PREP: variants seen among roughly 807,000 people sequenced by gnomAD.
PREP encodes dJ355L5.1 (prolyl endopeptidase).
In PREP, 29 loss-of-function variants were observed where a neutral mutation model predicts 87.6. The ratio of observed to expected loss-of-function variants is 0.33; its 90% CI spans 0.25 to 0.45. The LOEUF (loss-of-function observed/expected upper bound fraction) is 0.45, where lower values mean the gene tolerates loss of function less well. PREP is among the 20% of genes least tolerant of loss of function. The pLI, the probability that PREP is intolerant of heterozygous loss-of-function variation, is 1.00. For synonymous variants in PREP, 337 were observed against 328.6 expected, an observed-to-expected ratio of 1.03 and a Z score of -0.28; for missense variants, 695 against 886.5, an observed-to-expected ratio of 0.78 and a Z score of 2.74.
rs148443780 is a variant in PREP, at chr6:105,277,536, TAACA to T, written c.*604_*607del. The T allele has an allele frequency of 0.12, 17,582 of 152,638 alleles. 1,750 individuals are homozygous for T. The highest frequency in any genetic ancestry group is 0.28 in the African/African-American group (11,629 of 41,350). The allele number at this position is 152,638 out of a possible 1,614,324, so 9.5% of individuals were successfully genotyped here. On this transcript the variant is annotated 3_prime_UTR_variant, in exon 15 of 15. Transcript: ENST00000652536. ...CCCCCTCTGACAGCTTCATCACCTC[TAACA>T]AACAAACAAACAAGGGAGACAGAGT...
chr6:105,324,662 T>C (rs567040988), intron 9 of PREP, among the ~76,000 whole-genome samples: 2 of 152,218 alleles, frequency 1.3e-5, no homozygotes, highest in East Asian at 3.8e-4. Flanking sequence ...CAGTACTTGC[T>C]GGAAAACCAA....
At position 105,382,448 on chromosome 6, in the gene PREP, G is replaced by A. The variant is rs186154751; in HGVS notation, c.121-4929C>T. The stretch of plus-strand genomic sequence containing the variant: ...CTGTCAATTTGAAAAATTGACTTAC[G>A]AAATACAGATACAGGCTCACTTACT... On this transcript the variant is annotated intron_variant, in intron 2 of 14. Coordinates refer to ENST00000652536, the MANE Select transcript of PREP (RefSeq NM_002726.5). Among the ~76,000 whole-genome samples the A allele has an allele frequency of 6.1e-3, 927 of 152,042 alleles. 5 individuals carry two copies. Among genetic ancestry groups the A allele is most frequent in the Non-Finnish European group, 9.8e-3 (667 of 67,982 alleles).
rs1461014290 is a variant in PREP at position 105,397,872 on chromosome 6, G to A, written c.101C>T (p.Pro34Leu). The change falls in exon 2 of 15, where the codon CCC (proline) becomes CTC (leucine). Residue 34 changes from proline (P) to leucine (L), a missense_variant. Transcript: ENST00000652536. ...AATTACCTTAGTCTGTTCACTGTCG[G>A]GGTCTTCAAGCCAGGCGTAAGGGTC... The part of the protein sequence containing the change: ...ICDPYAWLED[P>L]DSEQTKAFVE... 5.6e-6 allele frequency: 9 copies of A among 1,611,880 alleles called. No homozygotes were observed. Among genetic ancestry groups the A allele is most frequent in the Non-Finnish European group, 7.6e-6 (9 of 1,177,996 alleles).
chr6:105,299,268 T>C (rs1369305234), intron 10 of PREP, among the ~76,000 whole-genome samples: 1 of 152,210 alleles, frequency 6.6e-6, no homozygotes, highest in Non-Finnish European at 1.5e-5. Context: ...TCCTCTCTTA[T>C]TTTACAAATG....
intron 2 of PREP, among the ~76,000 whole-genome samples, chr6:105,380,485 CTA>C (rs1473442169): frequency 6.6e-6 from 1 of 152,098 alleles, no homozygotes; most frequent in African/African-American, 2.4e-5. Flanking sequence ...AGAGAACAGA[CTA>C]TAGGGGAGCA....
chr6:105,284,667 C>T lies in PREP; in HGVS notation c.1549+819G>A, dbSNP rs73512052. On this transcript the variant is annotated intron_variant, in intron 12 of 14. Transcript: ENST00000652536. ...AGGTGCTTTCCCATGTCCTCCCTCC[C>T]CCAAAGACACAGGACAAGTGAAGAA... Among the ~76,000 whole-genome samples the T allele has an allele frequency of 9.9e-3, 1,500 of 152,260 alleles. 27 individuals are homozygous for T. Among genetic ancestry groups the T allele is most frequent in the African/African-American group, 0.034 (1,422 of 41,548 alleles).
At chr6:105,360,168 G>A (rs546467543) in intron 6 of PREP, among the ~76,000 whole-genome samples, 16 of 152,256 alleles carry the variant, frequency 1.1e-4, no homozygotes, top group African/African-American at 2.9e-4. Flanking sequence ...ATGGAGAACC[G>A]AGATCTCAAC....
Position 105,368,897 on chromosome 6 carries a change from C to A in PREP, c.717+6G>T. The A allele has an allele frequency of 3.1e-6, 5 of 1,613,796 alleles. No homozygotes were observed. The highest frequency in any genetic ancestry group is 4.2e-6 in the Non-Finnish European group (5 of 1,179,836). On this transcript the variant is annotated splice_donor_region_variant and intron_variant, in intron 6 of 14. Transcript: ENST00000652536. ...TTGGGGGTAAAATTTCACAGCTGTA[C>A]AATACCTCAGCTCCACCCATCCATT...
rs141454541 is a variant in PREP at position 105,288,790 on chromosome 6, G to A, written c.1422C>T (p.Gly474=). ...TGGGTGTGATGGATATGTTGAAGCCGCCATAGCCATATAAGAAAGCTGGAT... is the reference window on the plus strand; with the variant it reads ...TGGGTGTGATGGATATGTTGAAGCCACCATAGCCATATAAGAAAGCTGGAT... The part of the protein sequence containing the change: ...GSHPAFLYGY[G]GFNISITPNY... The change falls in exon 11 of 15, where the codon GGC becomes GGT. Residue 474 remains glycine (G), a synonymous_variant. Transcript: ENST00000652536. 3.1e-5 allele frequency: 50 copies of A among 1,614,072 alleles called. No individual in the cohort carries two copies. The African/African-American group carries it at 3.6e-4, about 12-fold the overall frequency.
chr6:105,328,898 T>A lies in PREP; in HGVS notation c.1144A>T (p.Ile382Phe). The A allele has an allele frequency of 6.2e-7, 1 of 1,614,172 alleles. No individual in the cohort carries two copies. The highest frequency in any genetic ancestry group is 8.5e-7 in the Non-Finnish European group (1 of 1,180,044). ...TTCTTCTGACCGCTGTACCCTACAA[T>A]GCTGCCGACATCGAGCGGGAAGGTC... ...LKTFPLDVGS[I>F]VGYSGQKKDT... The change falls in exon 9 of 15, where the codon ATT becomes TTT. Residue 382 changes from isoleucine to phenylalanine, a missense_variant. Coordinates refer to ENST00000652536, the MANE Select transcript of PREP (RefSeq NM_002726.5).
chr6:105,376,340 C>T, intron 3 of PREP, 85 bp from the exon 4 acceptor site: 1 of 1,484,510 alleles, frequency 6.7e-7, no homozygotes, highest in Admixed American at 2.0e-5. Context: ...AAAACCAAAA[C>T]AAAACCAAAG....
At chr6:105,290,251 C>A (rs1397051521) in intron 10 of PREP, among the ~76,000 whole-genome samples, 1 of 152,086 alleles carries the variant, frequency 6.6e-6, no homozygotes, top group Non-Finnish European at 1.5e-5. Context: ...TACAAGTAAA[C>A]ACGGAGTAAG....
At position 105,380,371 on chromosome 6, in the gene PREP, G is replaced by A. The variant is rs553910459; in HGVS notation, c.121-2852C>T. Among the ~76,000 whole-genome samples the A allele has an allele frequency of 6.6e-5, 10 of 152,300 alleles. No individual in the cohort carries two copies. In the South Asian group the frequency reaches 8.3e-4, roughly 13 times the overall value. On this transcript the variant is annotated intron_variant, in intron 2 of 14. Coordinates refer to ENST00000652536, the MANE Select transcript of PREP (RefSeq NM_002726.5). ...CGACCAGACATGAGCTACAGCAGGC[G>A]GCACCTGGTAGGCAGATATGATGTT...
intron 7 of PREP, among the ~76,000 whole-genome samples, chr6:105,337,585 C>T (rs1771513794): frequency 6.6e-6 from 1 of 152,180 alleles, no homozygotes; most frequent in South Asian, 2.1e-4. Flanking sequence ...TATGTCTCAG[C>T]CGACTCCCAA....
At chr6:105,397,185 C>CCAAAAAAAAAAAA (rs775026045) in intron 2 of PREP, among the ~76,000 whole-genome samples, 1 of 86,846 alleles carries the variant, frequency 1.2e-5, no homozygotes. Flanking sequence ...ACTCTGTCTA[C>CCAAAAAAAAAAAA]AAAAAAAAAA....
At chr6:105,378,644 G>T (rs985478833) in intron 2 of PREP, among the ~76,000 whole-genome samples, 1 of 152,154 alleles carries the variant, frequency 6.6e-6, no homozygotes, top group Non-Finnish European at 1.5e-5. Flanking sequence ...CAGTTAAAAA[G>T]TTGACAATAC....
intron 10 of PREP, among the ~76,000 whole-genome samples, chr6:105,307,911 C>G (rs900266562): frequency 5.3e-5 from 8 of 152,126 alleles, no homozygotes; most frequent in African/African-American, 1.7e-4. Context: ...CTGCGCCCGG[C>G]CACACTCAGT....
At chr6:105,376,037 G>A in intron 4 of PREP, 88 bp downstream of exon 4, 1 of 1,462,408 alleles carries the variant, frequency 6.8e-7, no homozygotes, top group Non-Finnish European at 9.2e-7. Flanking sequence ...ACCCTGCCTG[G>A]CATTTCAGAG....
Position 105,323,799 on chromosome 6 carries a change from T to A in PREP, c.1214-31A>T, listed in dbSNP as rs1230668698. 1.9e-6 allele frequency: 3 copies of A among 1,546,640 alleles called. No individual in the cohort carries two copies. The East Asian group carries it at 6.7e-5, about 35-fold the overall frequency. On this transcript the variant is annotated intron_variant, in intron 9 of 14. Transcript: ENST00000652536. Reference sequence around the variant, plus strand: ...AAGTAGAATAAGGCTTGGTTTAGTCTACGGGACTCACTAGATTCAAAGGGG... The same window carrying A: ...AAGTAGAATAAGGCTTGGTTTAGTCAACGGGACTCACTAGATTCAAAGGGG...
Sources: allele counts gnomAD v4.1 joint callset (sites outside exome capture counted in the v4.1 genomes callset), GRCh38; gene constraint gnomAD v4.1.1; transcripts MANE v1.5; gene names NCBI Gene and HGNC (gene_info 2026-07-23, HGNC 2026-07-21).